Variants in PHYKPL observed in about 807,000 individuals in gnomAD.
PHYKPL encodes the protein 5-phosphonooxy-L-lysine phospho-lyase.
PHYKPL carries 42 observed loss-of-function variants against 51.3 expected under a neutral mutation model. The ratio of observed to expected loss-of-function variants is 0.82; its 90% CI spans 0.64 to 1.06. The LOEUF (loss-of-function observed/expected upper bound fraction) is 1.06, where lower values mean the gene tolerates loss of function less well. Among genes scored for constraint, PHYKPL ranks in the 50% least tolerant of loss-of-function variants. The probability of loss-of-function intolerance (pLI) is 0.00; values close to 1 mark genes in which losing one functional copy is unlikely to be tolerated. For synonymous variants in PHYKPL, 264 were observed against 236.0 expected, an observed-to-expected ratio of 1.12 and a Z score of -1.09; for missense variants, 655 against 586.6, an observed-to-expected ratio of 1.12 and a Z score of -1.20.
At chr5:178,231,621 TGGCGGGG>T (rs1458242543) in intron 1 of PHYKPL, 98 bp from the exon 2 acceptor site, 1 of 1,590,122 alleles carries the variant, frequency 6.3e-7, no homozygotes, top group Non-Finnish European at 8.6e-7. Context: ...CAGTTTCTGG[TGGCGGGG>T]GGGAAATGAG....
At chr5:178,230,336 A>G in intron 2 of PHYKPL, 2 of 524,694 alleles carry the variant, frequency 3.8e-6, no homozygotes, top group South Asian at 2.4e-5. Context: ...CCCTGTCTAG[A>G]AAGCCCATGT....
At chr5:178,221,658 T>C (rs1761194984) in intron 8 of PHYKPL, among the ~76,000 whole-genome samples, 1 of 152,158 alleles carries the variant, frequency 6.6e-6, no homozygotes, top group Admixed American at 6.5e-5. Flanking sequence ...TTACAGTGAA[T>C]TCTCAACCCT....
chr5:178,220,806 AC>A (rs1215178951), intron 8 of PHYKPL, among the ~76,000 whole-genome samples: 1 of 152,206 alleles, frequency 6.6e-6, no homozygotes, highest in Non-Finnish European at 1.5e-5. Context: ...GTACATTTAT[AC>A]AAAGATTATA....
intron 2 of PHYKPL, 87 bp downstream of exon 2, chr5:178,231,318 C>T: frequency 1.2e-5 from 20 of 1,601,994 alleles, no homozygotes; most frequent in Non-Finnish European, 1.5e-5. Context: ...GTTCTCCACA[C>T]CTCTCGGCAA....
At chr5:178,221,476 G>A (rs1305844964) in intron 8 of PHYKPL, among the ~76,000 whole-genome samples, 3 of 152,082 alleles carry the variant, frequency 2.0e-5, no homozygotes, top group African/African-American at 7.2e-5. Flanking sequence ...GTCTTTCCCC[G>A]ACAGTGAGCT....
chr5:178,222,300 C>A (rs1761320337), intron 8 of PHYKPL, 55 bp downstream of exon 8: 3 of 1,473,934 alleles, frequency 2.0e-6, no homozygotes, highest in African/African-American at 1.4e-5. Flanking sequence ...ACAGGCTGAT[C>A]ACCGGGGGCC....
intron 10 of PHYKPL, among the ~76,000 whole-genome samples, chr5:178,214,505 C>A (rs1284601808): frequency 6.6e-6 from 1 of 152,172 alleles, no homozygotes; most frequent in Non-Finnish European, 1.5e-5. Flanking sequence ...CTAGCTTGGG[C>A]ATTCTAGGCA....
chr5:178,217,236 T>TC (rs1213889132), intron 8 of PHYKPL, among the ~76,000 whole-genome samples: 1 of 151,788 alleles, frequency 6.6e-6, no homozygotes, highest in Non-Finnish European at 1.5e-5. Flanking sequence ...ATTTTTTTTT[T>TC]TTTTTTGAGA....
At chr5:178,215,114 T>G (rs1039092790) in intron 9 of PHYKPL, among the ~76,000 whole-genome samples, 162 bp downstream of exon 9, 1 of 152,166 alleles carries the variant, frequency 6.6e-6, no homozygotes, top group Non-Finnish European at 1.5e-5. Flanking sequence ...CCTAGCTTTC[T>G]CCTCCCCAGG....
intron 3 of PHYKPL, among the ~76,000 whole-genome samples, chr5:178,227,656 G>A (rs966344676): frequency 7.2e-5 from 11 of 152,182 alleles, no homozygotes; most frequent in African/African-American, 2.4e-4. Flanking sequence ...GGCTGGGAAG[G>A]AGCCTGAGTT....
chr5:178,224,641 C>A lies in PHYKPL; in HGVS notation c.501+1G>T, dbSNP rs774601737. Reference sequence around the variant, plus strand: ...CTGTTGTTGAGTTGGGCAGTGCATACCACGTGGACCCACTCCTTCTGGCCA... The same window carrying A: ...CTGTTGTTGAGTTGGGCAGTGCATAACACGTGGACCCACTCCTTCTGGCCA... On this transcript the variant is annotated splice_donor_variant, in intron 5 of 12. Transcript: ENST00000308158. LOFTEE classifies it high-confidence loss of function. 1.5e-5 allele frequency: 24 copies of A among 1,614,248 alleles called. No individual in the cohort carries two copies. The South Asian group carries it at 2.6e-4, about 18-fold the overall frequency.
intron 2 of PHYKPL, 97 bp from the exon 3 acceptor site, chr5:178,230,196 G>A (rs1763100321): frequency 6.7e-7 from 1 of 1,491,516 alleles, no homozygotes; most frequent in African/African-American, 1.4e-5. Context: ...CAGAAGAGAT[G>A]TAGTTCTAGA....
Position 178,222,373 on chromosome 5 carries a change from G to A in PHYKPL, c.909C>T (p.Gly303=), listed in dbSNP as rs141654643. The A allele has an allele frequency of 7.4e-6, 12 of 1,613,208 alleles. No homozygotes were observed. Among genetic ancestry groups the A allele is most frequent in the African/African-American group, 2.7e-5 (2 of 74,932 alleles). ...QPVARAFEAT[G]VEYFNTFGGS... ...CACTCACCGTGTTGAAGTACTCAAC[G>A]CCGGTGGCTTCAAATGCCCTCGCCA... Residue 303 remains glycine, a synonymous_variant, in exon 8 of 13, where the codon GGC becomes GGT. Transcript: ENST00000308158.
chr5:178,231,913 A>C (rs1331026516), intron 1 of PHYKPL: 1 of 1,290,304 alleles, frequency 7.8e-7, no homozygotes, highest in Admixed American at 2.4e-5. Context: ...CCTGGCTCTC[A>C]GCCCTAAACA....
At chr5:178,220,135 C>T (rs551714748) in intron 8 of PHYKPL, among the ~76,000 whole-genome samples, 1 of 143,922 alleles carries the variant, frequency 6.9e-6, no homozygotes, top group Admixed American at 7.4e-5. Flanking sequence ...GTAAAGGCTG[C>T]AGTGAGCTGA....
At chr5:178,222,808 T>C in intron 7 of PHYKPL, 44 bp downstream of exon 7, 1 of 1,602,894 alleles carries the variant, frequency 6.2e-7, no homozygotes, top group South Asian at 1.1e-5. Context: ...AAAACCTCAT[T>C]AGACCCCTGC....
downstream of PHYKPL, chr5:178,207,322 A>C: frequency 6.9e-7 from 1 of 1,455,050 alleles, no homozygotes; most frequent in East Asian, 2.3e-5. Context: ...GGAGCTCTCC[A>C]GGTTGGTCAG....
In PHYKPL at chr5:178,217,988, C is replaced by T. The variant is rs528412928; in HGVS notation, c.928-2558G>A. Among the ~76,000 whole-genome samples the T allele has an allele frequency of 1.3e-4, 20 of 150,246 alleles. 1 individual carries two copies. The South Asian group carries it at 3.6e-3, about 27-fold the overall frequency. On this transcript the variant is annotated intron_variant, in intron 8 of 12. Transcript: ENST00000308158. ...ATCCCAGCACTTTGGGAGGCCGAGA[C>T]GGGCGGATCACGAGGTCAGGAGATC... is the stretch of plus-strand genomic sequence containing the variant.
At chr5:178,223,441 T>A (rs1761619468) in intron 6 of PHYKPL, 1 of 456,206 alleles carries the variant, frequency 2.2e-6, no homozygotes, top group Admixed American at 2.3e-5. Context: ...CCCAGAGAAC[T>A]GAGCATGTCA....
Sources: allele counts gnomAD v4.1 joint callset (sites outside exome capture counted in the v4.1 genomes callset), GRCh38; gene constraint gnomAD v4.1.1; transcripts MANE v1.5; gene names NCBI Gene and HGNC (gene_info 2026-07-23, HGNC 2026-07-21).